Variants in LRGUK observed in about 807,000 individuals in gnomAD.
The protein encoded by LRGUK is leucine rich repeats and guanylate kinase domain containing, also known as leucine-rich repeat and guanylate kinase domain-containing protein.
A neutral mutation model predicts 76.0 loss-of-function variants in LRGUK; 65 were observed. That is an observed-to-expected ratio of 0.85 (90% confidence interval 0.70 to 1.05). The LOEUF is 1.05. Ranked by LOEUF, LRGUK falls within the 50% of genes least tolerant of loss-of-function variation. The pLI is 0.00. For synonymous variants in LRGUK, 268 were observed against 265.6 expected, an observed-to-expected ratio of 1.01 and a Z score of -0.09; for missense variants, 758 against 732.8, an observed-to-expected ratio of 1.03 and a Z score of -0.40.
intron 12 of LRGUK, among the ~76,000 whole-genome samples, chr7:134,196,158 T>A (rs12673409): frequency 0.44 from 67,405 of 152,036 alleles, 15,559 homozygotes; most frequent in East Asian, 0.62. Context: ...GAGAAGTCAC[T>A]CTTGCCAAGA....
intron 11 of LRGUK, among the ~76,000 whole-genome samples, chr7:134,190,917 A>C: frequency 6.7e-6 from 1 of 149,634 alleles, no homozygotes; most frequent in Non-Finnish European, 1.5e-5. Flanking sequence ...AGCGGTAAGC[A>C]GTTCTGGGGA....
At chr7:134,221,986 T>G in intron 16 of LRGUK, 68 bp downstream of exon 16, 1 of 1,366,606 alleles carries the variant, frequency 7.3e-7, no homozygotes, top group South Asian at 2.0e-5. Context: ...AGAGGGGATT[T>G]AATATTTTGA....
intron 16 of LRGUK, among the ~76,000 whole-genome samples, chr7:134,229,375 A>AAAATCT (rs568818931): frequency 6.8e-6 from 1 of 147,474 alleles, no homozygotes; most frequent in Non-Finnish European, 1.5e-5. Flanking sequence ...AAAAAAAAAA[A>AAAATCT]ATCTATCTAT....
At chr7:134,211,939 C>T (rs987247607), downstream of LRGUK, among the ~76,000 whole-genome samples, 6 of 152,160 alleles carry the variant, frequency 3.9e-5, no homozygotes, top group Admixed American at 1.3e-4. Context: ...CTAGTCATCT[C>T]CTGGACTCTG....
chr7:134,183,504 T>C (rs1799845734), intron 10 of LRGUK, among the ~76,000 whole-genome samples: 1 of 152,260 alleles, frequency 6.6e-6, no homozygotes, highest in African/African-American at 2.4e-5. Flanking sequence ...TTAAAAGTCA[T>C]GTTAAAGTAA....
chr7:134,156,265 G>A (rs183945554), intron 5 of LRGUK, among the ~76,000 whole-genome samples: 15 of 148,928 alleles, frequency 1.0e-4, no homozygotes, highest in Middle Eastern at 3.5e-3. Context: ...TTCGTTGTCC[G>A]TTTTTTATTA....
intron 18 of LRGUK, among the ~76,000 whole-genome samples, chr7:134,253,057 T>C (rs1228924436): frequency 6.6e-6 from 1 of 152,186 alleles, no homozygotes; most frequent in African/African-American, 2.4e-5. Flanking sequence ...AAGTTAAATG[T>C]GGAGTGTGAA....
intron 15 of LRGUK, among the ~76,000 whole-genome samples, chr7:134,202,808 G>A (rs1585548781): frequency 6.6e-6 from 1 of 152,270 alleles, no homozygotes; most frequent in East Asian, 1.9e-4. Context: ...TGGTTTAATG[G>A]GTACAGTGTC....
At chr7:134,131,746 C>T (rs2116795692) in intron 1 of LRGUK, among the ~76,000 whole-genome samples, 1 of 152,218 alleles carries the variant, frequency 6.6e-6, no homozygotes, top group South Asian at 2.1e-4. Flanking sequence ...GTGAGAAGAG[C>T]TGTTATCTAT....
At chr7:134,258,838 T>TC (rs1486234161) in intron 19 of LRGUK, among the ~76,000 whole-genome samples, 14 of 152,162 alleles carry the variant, frequency 9.2e-5, no homozygotes, top group African/African-American at 3.4e-4. Flanking sequence ...AGTCAGAATC[T>TC]CCCTCTAAGG....
At chr7:134,183,238 C>G (rs1368571129) in intron 10 of LRGUK, among the ~76,000 whole-genome samples, 1 of 152,152 alleles carries the variant, frequency 6.6e-6, no homozygotes, top group East Asian at 1.9e-4. Context: ...TCATTAGCTT[C>G]TTGTGATAAT....
At position 134,258,410 on chromosome 7, in the gene LRGUK, G is replaced by A. The variant is rs1563202661; in HGVS notation, c.2347+5G>A. On this transcript the variant is annotated splice_donor_5th_base_variant and intron_variant, in intron 19 of 19. Transcript: ENST00000285928. ...AGACCGAAGAGACCCGGAAAGGTAT[G>A]AGTTAGGCCAAGCGCGGTGGCTCAT... The A allele has an allele frequency of 1.2e-6, 2 of 1,613,312 alleles. No homozygotes were observed. The highest frequency in any genetic ancestry group is 4.5e-5 in the East Asian group (2 of 44,838).
At chr7:134,214,538 G>T (rs1026820357), downstream of LRGUK, among the ~76,000 whole-genome samples, 1 of 152,060 alleles carries the variant, frequency 6.6e-6, no homozygotes, top group East Asian at 1.9e-4. Context: ...CTATATGCTG[G>T]AATATTATGT....
At chr7:134,184,360 C>T (rs1585513008) in intron 11 of LRGUK, among the ~76,000 whole-genome samples, 1 of 151,532 alleles carries the variant, frequency 6.6e-6, no homozygotes, top group Non-Finnish European at 1.5e-5. Context: ...AGCTCCACCT[C>T]TCGGGTTCAT....
Position 134,154,157 on chromosome 7 carries a change from G to T in LRGUK, c.671-3878G>T, listed in dbSNP as rs145080622. Among the ~76,000 whole-genome samples the T allele has an allele frequency of 2.0e-5, 3 of 152,328 alleles. No individual in the cohort carries two copies. The East Asian group carries it at 5.8e-4, about 29-fold the overall frequency. On this transcript the variant is annotated intron_variant, in intron 5 of 15. Coordinates refer to ENST00000645682, the Ensembl canonical transcript of LRGUK. ...CATAAAAGTTTAGAGCTGGAATGCG[G>T]TATGATGATTTTGAGTTCTTTTGAG... is the stretch of plus-strand genomic sequence containing the variant.
intron 1 of LRGUK, among the ~76,000 whole-genome samples, 193 bp downstream of exon 1, chr7:134,127,857 A>G (rs1206460406): frequency 2.0e-5 from 3 of 152,106 alleles, no homozygotes; most frequent in African/African-American, 7.2e-5. Flanking sequence ...CCTGCCTGAA[A>G]TAGCTCTAAA....
intron 16 of LRGUK, among the ~76,000 whole-genome samples, chr7:134,233,063 C>T (rs1801938417): frequency 6.6e-6 from 1 of 152,176 alleles, no homozygotes; most frequent in Non-Finnish European, 1.5e-5. Context: ...ATAACCAACC[C>T]TATCAGTGAG....
At chr7:134,163,491 G>A in exon 7 of LRGUK, 9 of 1,613,880 alleles carry the variant, frequency 5.6e-6, no homozygotes, top group Middle Eastern at 1.6e-4. Context: ...AGCCTCCAAG[G>A]CTTAGAGAAT....
intron 14 of LRGUK, 75 bp from the exon 15 acceptor site, chr7:134,201,406 A>C: frequency 8.7e-7 from 1 of 1,152,492 alleles, no homozygotes; most frequent in Non-Finnish European, 1.3e-6. Flanking sequence ...TAAACAAATC[A>C]TTACCACCGA....
Sources: gnomAD v4.1 joint callset for allele counts (sites outside exome capture counted in the v4.1 genomes callset) on GRCh38, gnomAD v4.1.1 for gene constraint, MANE v1.5 for transcripts, NCBI Gene and HGNC (gene_info 2026-07-23, HGNC 2026-07-21) for gene names.